Variants in LPA observed in about 807,000 individuals in gnomAD.
LPA encodes lipoprotein(a), also known as apolipoprotein(a).
In LPA, 199 loss-of-function variants were observed where a neutral mutation model predicts 197.9. That is an observed-to-expected ratio of 1.01 (90% CI 0.90 to 1.13). LPA has a LOEUF of 1.13. Among genes scored for constraint, LPA ranks in the 50% most tolerant of loss-of-function variants. The pLI, the probability that LPA is intolerant of heterozygous loss-of-function variation, is 0.00. For missense variants in LPA, 1,853 were observed against 1,785.8 expected (o/e 1.04, Z -0.68); for synonymous variants, 715 against 639.5 (o/e 1.12, Z -1.78).
intron 18 of LPA, among the ~76,000 whole-genome samples, chr6:160,603,233 G>GGTGTGTGTGTGTGTGT (rs72482597): frequency 0.011 from 1,563 of 144,822 alleles, 9 homozygotes; most frequent in Non-Finnish European, 0.014. Context: ...TATTTGTGGA[G>GGTGTGTGTGTGTGTGT]GTGTGTGTGT....
chr6:160,559,695 A>T (rs1209268265), intron 28 of LPA, among the ~76,000 whole-genome samples: 1 of 152,144 alleles, frequency 6.6e-6, no homozygotes, highest in East Asian at 1.9e-4. Context: ...TATTATTTCC[A>T]CCCATTTACT....
At chr6:160,548,030 G>A in intron 31 of LPA, 93 bp from the exon 32 acceptor site, 1 of 1,326,898 alleles carries the variant, frequency 7.5e-7, no homozygotes, top group African/African-American at 1.5e-5. Flanking sequence ...AGTCATGTCA[G>A]GCTTCTCTAG....
intron 28 of LPA, among the ~76,000 whole-genome samples, chr6:160,561,883 G>A (rs935861872): frequency 1.3e-5 from 2 of 152,160 alleles, no homozygotes; most frequent in Non-Finnish European, 2.9e-5. Context: ...TCTTATTGGT[G>A]TATAGGAATG....
At chr6:160,595,652 A>G in intron 20 of LPA, 117 bp from the exon 21 acceptor site, 1 of 1,461,850 alleles carries the variant, frequency 6.8e-7, no homozygotes, top group South Asian at 1.2e-5. Flanking sequence ...TATTTTCACT[A>G]AAGGTCCCAT....
At chr6:160,591,680 G>T (rs75188747) in intron 22 of LPA, among the ~76,000 whole-genome samples, 1 of 152,188 alleles carries the variant, frequency 6.6e-6, no homozygotes, top group Non-Finnish European at 1.5e-5. Flanking sequence ...ACTTCAAATG[G>T]TGATGGTTGT....
intron 4 of LPA, among the ~76,000 whole-genome samples, chr6:160,643,064 TGAG>T (rs1779865398): frequency 3.8e-5 from 5 of 131,986 alleles, no homozygotes; most frequent in African/African-American, 1.8e-4. Flanking sequence ...TGCGTGTGTG[TGAG>T]TATGGGTGTG....
intron 28 of LPA, among the ~76,000 whole-genome samples, chr6:160,563,620 C>T (rs1778399054): frequency 6.6e-6 from 1 of 152,176 alleles, no homozygotes; most frequent in African/African-American, 2.4e-5. Flanking sequence ...CCTGAATATC[C>T]TTGTTAATTT....
intron 16 of LPA, among the ~76,000 whole-genome samples, chr6:160,608,487 C>T (rs1243749855): frequency 6.6e-6 from 1 of 152,104 alleles, no homozygotes; most frequent in Non-Finnish European, 1.5e-5. Flanking sequence ...CAAGAAACAG[C>T]TTGTTTTTCC....
chr6:160,586,020 C>T (rs1367999107), intron 25 of LPA, among the ~76,000 whole-genome samples: 1 of 152,100 alleles, frequency 6.6e-6, no homozygotes, highest in African/African-American at 2.4e-5. Context: ...TGTTAGGTTT[C>T]TCAAGAACAA....
intron 1 of LPA, among the ~76,000 whole-genome samples, chr6:160,661,015 A>G (rs911966423): frequency 6.6e-6 from 1 of 151,728 alleles, no homozygotes; most frequent in Non-Finnish European, 1.5e-5. Context: ...GGTTGTGGCA[A>G]AGGGTGGCCA....
intron 37 of LPA, among the ~76,000 whole-genome samples, chr6:160,534,914 A>G (rs1249286047): frequency 6.6e-6 from 1 of 151,488 alleles, no homozygotes; most frequent in African/African-American, 2.4e-5. Flanking sequence ...GATTAAACCA[A>G]TGGTGATAGT....
intron 18 of LPA, among the ~76,000 whole-genome samples, chr6:160,601,777 G>C (rs1779246282): frequency 1.3e-5 from 2 of 152,208 alleles, no homozygotes; most frequent in Admixed American, 6.5e-5. Context: ...GCAGGATGCA[G>C]TATCTCTAGG....
chr6:160,577,417 G>C (rs1778705503), intron 27 of LPA, 122 bp from the exon 28 acceptor site: 1 of 858,234 alleles, frequency 1.2e-6, no homozygotes, highest in Non-Finnish European at 1.9e-6. Flanking sequence ...TTTTCTACTA[G>C]TAGCAAAAGG....
intron 28 of LPA, among the ~76,000 whole-genome samples, chr6:160,575,021 T>C (rs1416238400): frequency 6.6e-6 from 1 of 152,230 alleles, no homozygotes; most frequent in Admixed American, 6.5e-5. Flanking sequence ...ATCAGTCATT[T>C]GTGTAACTGT....
intron 26 of LPA, among the ~76,000 whole-genome samples, chr6:160,582,169 T>A (rs1485108732): frequency 6.6e-6 from 1 of 152,122 alleles, no homozygotes; most frequent in Non-Finnish European, 1.5e-5. Context: ...TTTTTTTCCT[T>A]CTTTTCACTC....
chr6:160,581,520 T>G lies in LPA; in HGVS notation c.4290-2816A>C, dbSNP rs376057445. Among the ~76,000 whole-genome samples, 18 of 152,282 alleles carry G rather than the reference T, an allele frequency of 1.2e-4. No individual in the cohort carries two copies. In the South Asian group the frequency reaches 3.7e-3, roughly 32 times the overall value. ...TCTTGCTATGTTGCCCAGGCTTGTC[T>G]GCAACTCCTCATCTCAGGCAATCCT... On this transcript the variant is annotated intron_variant, in intron 26 of 38. Transcript: ENST00000316300.
chr6:160,663,009 G>A (rs557035513), intron 1 of LPA, among the ~76,000 whole-genome samples: 2 of 152,292 alleles, frequency 1.3e-5, no homozygotes, highest in Admixed American at 1.3e-4. Flanking sequence ...GCACCAGCAG[G>A]CAACTGCTCA....
At chr6:160,609,518 T>C (rs1380467060) in intron 16 of LPA, among the ~76,000 whole-genome samples, 3 of 152,072 alleles carry the variant, frequency 2.0e-5, no homozygotes, top group East Asian at 3.9e-4. Flanking sequence ...AAGTGCATCA[T>C]GTAGTTTTTT....
rs190817918 is a variant in LPA, at chr6:160,559,858, G to T, written c.4632-2287C>A. Among the ~76,000 whole-genome samples the T allele has an allele frequency of 3.4e-4, 51 of 152,156 alleles. No homozygotes were observed. In the East Asian group the frequency reaches 5.4e-3, roughly 16 times the overall value. ...TAGAATGTGTGGGTTTGTTACATAG[G>T]TATACACGTGTCATGGTGGTTTGCT... is the stretch of plus-strand genomic sequence containing the variant. On this transcript the variant is annotated intron_variant, in intron 28 of 38. Transcript: ENST00000316300.
Sources: gnomAD v4.1 joint callset for allele counts (sites outside exome capture counted in the v4.1 genomes callset) on GRCh38, gnomAD v4.1.1 for gene constraint, MANE v1.5 for transcripts, NCBI Gene and HGNC (gene_info 2026-07-23, HGNC 2026-07-21) for gene names.